Variants in NEDD4L observed in about 807,000 individuals in gnomAD.
The protein encoded by NEDD4L is NEDD4 like E3 ubiquitin protein ligase.
In NEDD4L, 54 loss-of-function variants were observed where a neutral mutation model predicts 148.9. That is an observed-to-expected ratio of 0.36 (90% CI 0.29 to 0.45). NEDD4L has a LOEUF of 0.45. NEDD4L is among the 20% of genes least tolerant of loss of function. NEDD4L has a pLI of 1.00. For missense variants in NEDD4L, 856 were observed against 1,233.8 expected, an observed-to-expected ratio of 0.69 and a Z score of 4.59; for synonymous variants, 433 against 440.7, an observed-to-expected ratio of 0.98 and a Z score of 0.22.
intron 25 of NEDD4L, among the ~76,000 whole-genome samples, chr18:58,385,063 T>C (rs115824475): frequency 1.4e-3 from 206 of 152,324 alleles, no homozygotes; most frequent in African/African-American, 4.9e-3. Flanking sequence ...GATACTAGAA[T>C]GAAATATTAG....
At chr18:58,372,352 T>G (rs2146310465) in intron 23 of NEDD4L, 1 of 151,804 alleles carries the variant, frequency 6.6e-6, no homozygotes, top group East Asian at 1.9e-4. Flanking sequence ...CCTCAAGCCC[T>G]CCTCCTGCCT....
At chr18:58,278,217 G>T (rs969427114) in intron 5 of NEDD4L, among the ~76,000 whole-genome samples, 1 of 152,132 alleles carries the variant, frequency 6.6e-6, no homozygotes, top group Non-Finnish European at 1.5e-5. Flanking sequence ...CATGCCTTTC[G>T]CAATCAACAG....
chr18:58,056,875 C>T (rs1325045574), intron 1 of NEDD4L, among the ~76,000 whole-genome samples: 11 of 149,092 alleles, frequency 7.4e-5, no homozygotes, highest in Non-Finnish European at 3.0e-5. Context: ...GCCACCATGC[C>T]CAGCCAGAGC....
At chr18:58,273,942 A>T (rs573532111) in intron 5 of NEDD4L, among the ~76,000 whole-genome samples, 2 of 152,248 alleles carry the variant, frequency 1.3e-5, no homozygotes, top group East Asian at 3.9e-4. Flanking sequence ...CCACACAGAG[A>T]GTTTATTTCC....
chr18:58,199,642 A>G (rs1011536546), intron 2 of NEDD4L, among the ~76,000 whole-genome samples: 1 of 152,270 alleles, frequency 6.6e-6, no homozygotes, highest in African/African-American at 2.4e-5. Flanking sequence ...TGCTATATAG[A>G]TGAAGGTTGG....
At chr18:58,393,973 A>C (rs2050153755) in intron 30 of NEDD4L, among the ~76,000 whole-genome samples, 1 of 152,230 alleles carries the variant, frequency 6.6e-6, no homozygotes, top group African/African-American at 2.4e-5. Flanking sequence ...TTCATTAAGA[A>C]TCACAGGCCC....
At chr18:58,302,092 C>T (rs1403297851) in intron 5 of NEDD4L, among the ~76,000 whole-genome samples, 2 of 152,076 alleles carry the variant, frequency 1.3e-5, no homozygotes, top group African/African-American at 2.4e-5. Context: ...AATCTTTTGT[C>T]GTCTAGCCTG....
At chr18:58,055,807 A>G (rs2082063897) in intron 1 of NEDD4L, among the ~76,000 whole-genome samples, 1 of 152,264 alleles carries the variant, frequency 6.6e-6, no homozygotes, top group African/African-American at 2.4e-5. Context: ...CAGTTGCGTG[A>G]AAGTAATTTA....
At position 58,321,432 on chromosome 18, in the gene NEDD4L, G is replaced by A. The variant is rs377363912; in HGVS notation, c.349-993G>A. Reference sequence around the variant, plus strand: ...TGGCAGATGAGGACAGGATGGTTGGGAGTACAAGGAAGGAAGAGAGAGACT... The same window carrying A: ...TGGCAGATGAGGACAGGATGGTTGGAAGTACAAGGAAGGAAGAGAGAGACT... On this transcript the variant is annotated intron_variant, in intron 6 of 30. Transcript: ENST00000400345. 1.3e-4 allele frequency among the ~76,000 whole-genome samples: 20 copies of A among 152,332 alleles called. 1 individual carries two copies. The highest frequency in any genetic ancestry group is 9.8e-4 in the Admixed American group (15 of 15,310).
intron 2 of NEDD4L, among the ~76,000 whole-genome samples, chr18:58,242,804 C>A (rs1254465908): frequency 6.6e-6 from 1 of 152,220 alleles, no homozygotes. Context: ...CTGCGCCTAA[C>A]CCTCTCCTCC....
chr18:58,171,511 C>T (rs1347059516), intron 2 of NEDD4L, among the ~76,000 whole-genome samples: 1 of 152,256 alleles, frequency 6.6e-6, no homozygotes, highest in Non-Finnish European at 1.5e-5. Flanking sequence ...TACAAGTTCC[C>T]TCCTCCTACG....
At chr18:58,234,112 T>C (rs58765053) in intron 2 of NEDD4L, among the ~76,000 whole-genome samples, 22 of 73,270 alleles carry the variant, frequency 3.0e-4, no homozygotes, top group Admixed American at 6.3e-4. Flanking sequence ...TTTTCTTTTC[T>C]TTTCTTTTCC....
At chr18:58,082,121 T>TTTTTTTTTTTTTTTTTTTTTTTTTG (rs2083484499) in intron 1 of NEDD4L, among the ~76,000 whole-genome samples, 1 of 137,578 alleles carries the variant, frequency 7.3e-6, no homozygotes, top group African/African-American at 2.8e-5. Context: ...TTTTTTTTTT[T>TTTTTTTTTTTTTTTTTTTTTTTTTG]CTTGAGATGG....
At chr18:58,355,038 G>T (rs914008771) in intron 18 of NEDD4L, among the ~76,000 whole-genome samples, 39 of 152,344 alleles carry the variant, frequency 2.6e-4, no homozygotes, top group Middle Eastern at 3.4e-3. Context: ...TATCTGCCCG[G>T]TGTGGGGACT....
In NEDD4L at chr18:58,256,056, A is replaced by G. The variant is rs1325954087; in HGVS notation, c.297+4002A>G. The G allele has an allele frequency of 7.3e-6, 9 of 1,229,130 alleles. No homozygotes were observed. The highest frequency in any genetic ancestry group is 9.1e-6 in the Non-Finnish European group (9 of 986,354). The allele number at this position is 1,229,130 out of a possible 1,614,324, so 76.1% of individuals were successfully genotyped here. ...ACTGCCACCACGAGGGCCTCGCCCC[A>G]GAGTGGCTCCCGGGAGCCCTCGCCG... is the stretch of plus-strand genomic sequence containing the variant. On this transcript the variant is annotated intron_variant, in intron 5 of 30. Transcript: ENST00000400345. This position sits in a 1 kb window ranked among gnomAD's most constrained non-coding sequence, Gnocchi z 5.2.
intron 6 of NEDD4L, 67 bp downstream of exon 6, chr18:58,316,099 G>GT: frequency 7.9e-7 from 1 of 1,258,056 alleles, no homozygotes. Flanking sequence ...TGTAGTCAGT[G>GT]TATTTTCAGA....
At chr18:58,229,758 G>A (rs1012582193) in intron 2 of NEDD4L, among the ~76,000 whole-genome samples, 1 of 152,086 alleles carries the variant, frequency 6.6e-6, no homozygotes, top group Non-Finnish European at 1.5e-5. Flanking sequence ...TTGGGAGGCC[G>A]AGGCGGGCGG....
chr18:58,072,857 GGCGCGCGC>G (rs563017835), intron 1 of NEDD4L, among the ~76,000 whole-genome samples: 1 of 139,600 alleles, frequency 7.2e-6, no homozygotes, highest in Non-Finnish European at 1.5e-5. Flanking sequence ...AAAATCCTAA[GGCGCGCGC>G]GCGCGCGCAC....
chr18:58,214,361 T>C (rs141821554), intron 2 of NEDD4L, among the ~76,000 whole-genome samples: 1 of 152,214 alleles, frequency 6.6e-6, no homozygotes, highest in Non-Finnish European at 1.5e-5. Context: ...AAGATTCTTA[T>C]GACTGTGATA....
Sources: allele counts gnomAD v4.1 joint callset (sites outside exome capture counted in the v4.1 genomes callset), GRCh38; gene constraint gnomAD v4.1.1; non-coding constraint Gnocchi (gnomAD v3.1); transcripts MANE v1.5; gene names NCBI Gene and HGNC (gene_info 2026-07-23, HGNC 2026-07-21).